SFXN5: variants seen among roughly 807,000 people sequenced by gnomAD.
SFXN5 encodes sideroflexin-5.
Under a neutral mutation model 50.2 loss-of-function variants are expected in SFXN5, and 43 were observed. The ratio of observed to expected loss-of-function variants is 0.86; its 90% CI spans 0.67 to 1.11. The LOEUF (loss-of-function observed/expected upper bound fraction) is 1.11, where lower values mean the gene tolerates loss of function less well. SFXN5 is among the 50% of genes least tolerant of loss of function. SFXN5 has a pLI of 0.00. For missense variants in SFXN5, 463 were observed against 454.1 expected (o/e 1.02, Z -0.18); for synonymous variants, 203 against 185.8 (o/e 1.09, Z -0.75).
chr2:72,973,716 C>A lies in SFXN5; in HGVS notation c.626-2031G>T, dbSNP rs953880617. Reference sequence around the variant, plus strand: ...CCGCCTCAGCCCCAGGCGCCCAGGGCTCAGGGCCCAGAAGGGTCCCCCAGG... The same window carrying A: ...CCGCCTCAGCCCCAGGCGCCCAGGGATCAGGGCCCAGAAGGGTCCCCCAGG... On this transcript the variant is annotated intron_variant, in intron 10 of 13. Transcript: ENST00000272433. This position sits in a 1 kb window ranked among gnomAD's most constrained non-coding sequence, Gnocchi z 5.5. 2.8e-4 allele frequency among the ~76,000 whole-genome samples: 42 copies of A among 152,322 alleles called. No individual in the cohort carries two copies. Among genetic ancestry groups the A allele is most frequent in the African/African-American group, 9.6e-4 (40 of 41,580 alleles).
At chr2:73,066,179 T>C (rs566374094) in intron 1 of SFXN5, among the ~76,000 whole-genome samples, 6 of 151,890 alleles carry the variant, frequency 4.0e-5, no homozygotes, top group South Asian at 4.2e-4. Context: ...ATCAGCAACA[T>C]TGAGAAGGTG....
At position 73,040,928 on chromosome 2, in the gene SFXN5, G is replaced by A. The variant is rs770902510; in HGVS notation, c.175C>T (p.Arg59Cys). 43 of 1,612,056 alleles carry A rather than the reference G, an allele frequency of 2.7e-5. No individual in the cohort carries two copies. Among genetic ancestry groups the A allele is most frequent in the Middle Eastern group, 1.6e-4 (1 of 6,084 alleles). The change falls in exon 3 of 14, where the codon CGT becomes TGT. Residue 59 changes from arginine (R) to cysteine (C), a missense_variant. Arg to Cys is a radical substitution (Grantham distance 180). Transcript: ENST00000272433. ...DPRTLFVTER[R>C]LREAVQLLED... Reference sequence around the variant, plus strand: ...AGCAGCTGCACAGCCTCTCTGAGACGTCTCTGCAGAAGAAAGAAAAGAGAC... The same window carrying A: ...AGCAGCTGCACAGCCTCTCTGAGACATCTCTGCAGAAGAAAGAAAAGAGAC...
intron 2 of SFXN5, among the ~76,000 whole-genome samples, chr2:73,052,359 C>CGTGTGTGTGTGTGTGTGT (rs59839344): frequency 7.0e-6 from 1 of 142,348 alleles, no homozygotes; most frequent in Non-Finnish European, 1.6e-5. Flanking sequence ...TGTGTGTATG[C>CGTGTGTGTGTGTGTGTGT]GTGTGTGTGT....
intron 2 of SFXN5, among the ~76,000 whole-genome samples, chr2:73,043,109 A>G (rs1679866549): frequency 6.6e-6 from 1 of 152,208 alleles, no homozygotes; most frequent in Non-Finnish European, 1.5e-5. Flanking sequence ...GCAGCAAAAA[A>G]CAATAAACAG....
chr2:73,067,448 T>C (rs1574279765), intron 1 of SFXN5, among the ~76,000 whole-genome samples: 1 of 152,332 alleles, frequency 6.6e-6, no homozygotes, highest in East Asian at 1.9e-4. Flanking sequence ...GTACCAATGT[T>C]AGTTTCTTAG....
chr2:73,067,535 GTCTTTTGACT>G (rs1683265345), intron 1 of SFXN5, among the ~76,000 whole-genome samples: 1 of 152,170 alleles, frequency 6.6e-6, no homozygotes, highest in Admixed American at 6.5e-5. Context: ...ATTGTTTGTT[GTCTTTTGACT>G]TCTCTAAAAT....
chr2:72,969,626 C>T (rs570228860), intron 11 of SFXN5, among the ~76,000 whole-genome samples: 8 of 151,514 alleles, frequency 5.3e-5, no homozygotes, highest in East Asian at 3.9e-4. Flanking sequence ...AAACTCCTGA[C>T]GTCAGGTGAT....
At chr2:72,968,798 CTCTT>C (rs1313595583) in intron 11 of SFXN5, among the ~76,000 whole-genome samples, 100 of 150,104 alleles carry the variant, frequency 6.7e-4, no homozygotes, top group Admixed American at 1.5e-3. Context: ...TCCTCTCTCT[CTCTT>C]TCTTTCTTTC....
chr2:72,966,071 G>A (rs1674363322), intron 12 of SFXN5, among the ~76,000 whole-genome samples: 1 of 152,192 alleles, frequency 6.6e-6, no homozygotes, highest in Non-Finnish European at 1.5e-5. Flanking sequence ...ACCCCAGGGT[G>A]GAGCGCTCCC....
chr2:73,056,501 C>T (rs1010111972), intron 2 of SFXN5, among the ~76,000 whole-genome samples: 1 of 151,928 alleles, frequency 6.6e-6, no homozygotes, highest in African/African-American at 2.4e-5. Context: ...GCCTGACCAA[C>T]ATGGAGAAAC....
chr2:73,029,785 C>T (rs1678063458), intron 3 of SFXN5, among the ~76,000 whole-genome samples: 1 of 152,178 alleles, frequency 6.6e-6, no homozygotes, highest in Admixed American at 6.5e-5. Context: ...CAAAGTCCCA[C>T]AGCAGGCTGG....
chr2:72,949,412 C>T (rs963123913), intron 13 of SFXN5, among the ~76,000 whole-genome samples: 1 of 152,234 alleles, frequency 6.6e-6, no homozygotes, highest in East Asian at 1.9e-4. Flanking sequence ...CAGCCTCAAA[C>T]TCTTGCCTCA....
chr2:72,958,203 AC>A (rs1017524310), intron 13 of SFXN5, among the ~76,000 whole-genome samples: 6 of 152,054 alleles, frequency 3.9e-5, no homozygotes, highest in African/African-American at 1.4e-4. Flanking sequence ...GTTTCCTACC[AC>A]CCACCACAGT....
At chr2:73,066,685 C>T (rs1032158428) in intron 1 of SFXN5, among the ~76,000 whole-genome samples, 2 of 151,366 alleles carry the variant, frequency 1.3e-5, no homozygotes, top group Non-Finnish European at 1.5e-5. Flanking sequence ...ATATGAATAG[C>T]GACTGGTTAC....
At chr2:73,018,162 C>T (rs1252392155) in intron 6 of SFXN5, among the ~76,000 whole-genome samples, 1 of 151,090 alleles carries the variant, frequency 6.6e-6, no homozygotes, top group African/African-American at 2.4e-5. Context: ...GAGCCATGAT[C>T]CTGCCACTGC....
intron 11 of SFXN5, 53 bp from the exon 12 acceptor site, chr2:72,968,586 C>T: frequency 3.9e-6 from 6 of 1,556,840 alleles, no homozygotes; most frequent in South Asian, 2.3e-5. Flanking sequence ...GGTGACAGGA[C>T]AGCACACCAC....
chr2:72,970,000 G>A (rs1674963292), intron 11 of SFXN5, among the ~76,000 whole-genome samples: 2 of 152,088 alleles, frequency 1.3e-5, no homozygotes, highest in African/African-American at 2.4e-5. Context: ...GAGGCTCCAG[G>A]AGCAGCTCAC....
intron 6 of SFXN5, among the ~76,000 whole-genome samples, chr2:73,003,865 C>T (rs192604334): frequency 1.3e-5 from 2 of 152,266 alleles, no homozygotes; most frequent in Admixed American, 1.3e-4. Context: ...AGACAATCCC[C>T]ACTTTGCATC....
At chr2:72,947,577 A>G (rs1051782043) in intron 13 of SFXN5, among the ~76,000 whole-genome samples, 3 of 152,352 alleles carry the variant, frequency 2.0e-5, no homozygotes, top group East Asian at 1.9e-4. Context: ...AAGGTGGTAC[A>G]GGCCAGCCTG....
Sources: gnomAD v4.1 joint callset for allele counts (sites outside exome capture counted in the v4.1 genomes callset) on GRCh38, gnomAD v4.1.1 for gene constraint, Gnocchi (gnomAD v3.1) non-coding constraint, MANE v1.5 for transcripts, NCBI Gene and HGNC (gene_info 2026-07-23, HGNC 2026-07-21) for gene names.